The following SPTAN1 variants were observed in gnomAD, a reference collection of about 807,000 sequenced individuals.
SPTAN1 encodes the protein spectrin alpha, non-erythrocytic 1.
A neutral mutation model predicts 331.3 loss-of-function variants in SPTAN1; 61 were observed. The ratio of observed to expected loss-of-function variants is 0.18; its 90% CI spans 0.15 to 0.23. SPTAN1 has a LOEUF of 0.23. Ranked by LOEUF, SPTAN1 falls within the 10% of genes least tolerant of loss-of-function variation. The pLI is 1.00. For missense variants in SPTAN1, 2,043 were observed against 3,147.9 expected, an observed-to-expected ratio of 0.65 and a Z score of 8.40; for synonymous variants, 1,153 against 1,173.9, an observed-to-expected ratio of 0.98 and a Z score of 0.36.
rs1693497284 is a variant in SPTAN1 at position 128,626,799 on chromosome 9, A to G, written c.6576+112A>G. 7.7e-6 allele frequency: 9 copies of G among 1,176,352 alleles called. No homozygotes were observed. The South Asian group carries it at 8.0e-5, about 10-fold the overall frequency. 72.9% of individuals were successfully genotyped at this position (1,176,352 alleles called of 1,614,324 possible). A position where few individuals can be genotyped will look rare whatever the true frequency, so the allele number is the denominator to read the frequency against. ...GACAAGACGAGCAGGATGGAGGAGCATGGTTTCATCAGAAGTTTCATTTCT... is the reference window on the plus strand; with the variant it reads ...GACAAGACGAGCAGGATGGAGGAGCGTGGTTTCATCAGAAGTTTCATTTCT... On this transcript the variant is annotated intron_variant, in intron 49 of 56. Transcript: ENST00000372739.
chr9:128,633,502 T>C lies in SPTAN1; in HGVS notation c.*168T>C, dbSNP rs1860177914. 1.6e-6 allele frequency: 2 copies of C among 1,223,906 alleles called. No homozygotes were observed. Among genetic ancestry groups the C allele is most frequent in the Non-Finnish European group, 2.3e-6 (2 of 852,610 alleles). The allele number at this position is 1,223,906 out of a possible 1,614,324, so 75.8% of individuals were successfully genotyped here. A position where few individuals can be genotyped will look rare whatever the true frequency, so the allele number is the denominator to read the frequency against. On this transcript the variant is annotated 3_prime_UTR_variant, in exon 57 of 57. Transcript: ENST00000372739. The stretch of plus-strand genomic sequence containing the variant: ...TAACCCGCTTCCGGTCCAGTCACAA[T>C]CATCATGTCACTGTGGGGACCCAGA...
intron 24 of SPTAN1, among the ~76,000 whole-genome samples, chr9:128,597,583 TGG>T (rs1205403309): frequency 1.3e-5 from 2 of 152,224 alleles, no homozygotes; most frequent in African/African-American, 4.8e-5. Flanking sequence ...ATCTGAGGAC[TGG>T]GAAAACCAAT....
Position 128,598,490 on chromosome 9 carries a change from G to T in SPTAN1, c.3505G>T (p.Ala1169Ser). ...SEGLMAEEVQ[A>S]VQQQEVYGMM... ...AGGTCTCATGGCAGAGGAGGTGCAG[G>T]CTGTGCAACAACAGGTAGGTGTCTC... Residue 1169 changes from alanine (A) to serine (S), a missense_variant, in exon 25 of 57, where the codon GCT becomes TCT. Ala to Ser is a moderately conservative substitution (Grantham distance 99). Transcript: ENST00000372739. 6.2e-7 allele frequency: 1 copy of T among 1,609,136 alleles called. No homozygotes were observed. Among genetic ancestry groups the T allele is most frequent in the South Asian group, 1.1e-5 (1 of 89,810 alleles).
intron 12 of SPTAN1, 77 bp from the exon 13 acceptor site, chr9:128,582,402 C>T (rs1852053076): frequency 3.2e-6 from 4 of 1,244,934 alleles, no homozygotes; most frequent in Non-Finnish European, 4.7e-6. Context: ...ATGATCTGTT[C>T]AGCAGTTACT....
intron 3 of SPTAN1, among the ~76,000 whole-genome samples, chr9:128,573,008 A>C (rs1315385224): frequency 2.6e-5 from 4 of 152,168 alleles, no homozygotes; most frequent in Non-Finnish European, 5.9e-5. Flanking sequence ...GAATCCACCC[A>C]TGTTGACTGT....
At chr9:128,571,284 G>A (rs1334624109) in intron 3 of SPTAN1, among the ~76,000 whole-genome samples, 1 of 78,634 alleles carries the variant, frequency 1.3e-5, no homozygotes, top group Non-Finnish European at 3.9e-5. Flanking sequence ...AGCAAGACTG[G>A]GAAAAAGAAA....
rs540849072 is a variant in SPTAN1, at chr9:128,578,026, C to T, written c.1086-84C>T. 4.5e-5 allele frequency: 64 copies of T among 1,419,796 alleles called. No homozygotes were observed. In the South Asian group the frequency reaches 6.8e-4, roughly 15 times the overall value. The allele number at this position is 1,419,796 out of a possible 1,614,324, so 87.9% of individuals were successfully genotyped here. A position where few individuals can be genotyped will look rare whatever the true frequency, so the allele number is the denominator to read the frequency against. On this transcript the variant is annotated intron_variant, in intron 8 of 56. Coordinates refer to ENST00000372739, the MANE Select transcript of SPTAN1 (RefSeq NM_001130438.3). Reference sequence around the variant, plus strand: ...ATATAGTTTGTTAGACATTTGAGAACATAGAATTCAGAGCTTTAGGGAGGC... The same window carrying T: ...ATATAGTTTGTTAGACATTTGAGAATATAGAATTCAGAGCTTTAGGGAGGC...
chr9:128,583,272 G>T lies in SPTAN1; in HGVS notation c.2002G>T (p.Glu668Ter). 1 of 1,613,624 alleles carries T rather than the reference G, an allele frequency of 6.2e-7. No individual in the cohort carries two copies. The highest frequency in any genetic ancestry group is 1.1e-5 in the South Asian group (1 of 90,936). The stretch of plus-strand genomic sequence containing the variant: ...GTGGAAGAAACTGCTAGAGGCCACT[G>T]AACTGAAAGGTAAGAGATGTTCCAT... ...SLWKKLLEAT[E>*]LKGIKLREAN... Residue 668 changes from glutamate to a stop codon, truncating the protein, a stop_gained, in exon 15 of 57, where the codon GAA (glutamate) becomes TAA (stop). Coordinates refer to ENST00000372739, the MANE Select transcript of SPTAN1 (RefSeq NM_001130438.3). LOFTEE classifies it high-confidence loss of function.
At chr9:128,596,303 G>C (rs574349039) in intron 24 of SPTAN1, 1 of 150,672 alleles carries the variant, frequency 6.6e-6, no homozygotes, top group Admixed American at 6.6e-5. Flanking sequence ...TCGAGACAGA[G>C]TCTCTCTCTG....
chr9:128,612,308 T>C, intron 39 of SPTAN1, 62 bp downstream of exon 39: 1 of 1,607,834 alleles, frequency 6.2e-7, no homozygotes, highest in Admixed American at 1.7e-5. Flanking sequence ...GCACAGTGGG[T>C]CCATCAGTGC....
Position 128,577,567 on chromosome 9 carries a change from TAGC to T in SPTAN1, c.1085+64_1085+66del. On this transcript the variant is annotated intron_variant, in intron 8 of 56. Transcript: ENST00000372739. This position sits in a 1 kb window ranked among gnomAD's most constrained non-coding sequence, Gnocchi z 4.2. ...TTGGCTTCTTTTTTGGAAGCAGGAA[TAGC>T]AGAGTTAAGGGTCTGTTCTGTGTTC... 6.2e-7 allele frequency: 1 copy of T among 1,605,638 alleles called. No individual in the cohort carries two copies. Among genetic ancestry groups the T allele is most frequent in the African/African-American group, 1.3e-5 (1 of 74,824 alleles).
intron 44 of SPTAN1, among the ~76,000 whole-genome samples, chr9:128,620,436 G>A (rs1857696139): frequency 6.6e-6 from 1 of 152,224 alleles, no homozygotes; most frequent in Non-Finnish European, 1.5e-5. Flanking sequence ...AAGACCTGGG[G>A]CCAGGTGCGG....
chr9:128,619,096 C>T (rs1857535934), intron 44 of SPTAN1, 93 bp downstream of exon 44: 6 of 1,577,004 alleles, frequency 3.8e-6, no homozygotes, highest in Non-Finnish European at 4.3e-6. Context: ...GGGCCCTGCT[C>T]TTACTAGGAG....
rs537775797 is a variant in SPTAN1 at position 128,571,947 on chromosome 9, A to G, written c.364-2728A>G. Among the ~76,000 whole-genome samples the G allele has an allele frequency of 3.3e-3, 501 of 152,248 alleles. 8 individuals carry two copies. The highest frequency in any genetic ancestry group is 3.4e-3 in the Middle Eastern group (1 of 294). On this transcript the variant is annotated intron_variant, in intron 3 of 56. Transcript: ENST00000372739. Reference sequence around the variant, plus strand: ...TCTCAGCTAACTGCAACCTCCTTCCACCAGGCTCAAGTGGTTCACCCACCT... The same window carrying G: ...TCTCAGCTAACTGCAACCTCCTTCCGCCAGGCTCAAGTGGTTCACCCACCT...
At chr9:128,584,883 C>G in intron 18 of SPTAN1, 40 bp downstream of exon 18, 1 of 1,613,908 alleles carries the variant, frequency 6.2e-7, no homozygotes, top group Non-Finnish European at 8.5e-7. Flanking sequence ...GGTGCTGCTC[C>G]TCGTGTCTCC....
intron 21 of SPTAN1, among the ~76,000 whole-genome samples, chr9:128,590,707 T>C (rs1027612858): frequency 2.0e-5 from 3 of 151,812 alleles, no homozygotes; most frequent in African/African-American, 7.3e-5. Flanking sequence ...AAAAATTAGC[T>C]GTGCGTGGTG....
intron 45 of SPTAN1, among the ~76,000 whole-genome samples, chr9:128,622,775 C>T (rs1031539993): frequency 2.7e-5 from 4 of 147,844 alleles, no homozygotes; most frequent in East Asian, 2.0e-4. Context: ...ATTTTTTAGA[C>T]GGAGTCTCAC....
intron 45 of SPTAN1, among the ~76,000 whole-genome samples, chr9:128,623,648 T>A (rs1858259380): frequency 6.7e-6 from 1 of 149,098 alleles, no homozygotes; most frequent in Non-Finnish European, 1.5e-5. Flanking sequence ...TTTTTTTGTA[T>A]TTTTTAGAAG....
At chr9:128,619,074 T>G in intron 44 of SPTAN1, 71 bp downstream of exon 44, 5 of 1,607,658 alleles carry the variant, frequency 3.1e-6, no homozygotes, top group Non-Finnish European at 4.2e-6. Flanking sequence ...ATTTCCCTGT[T>G]GGTTTGTTAG....
Sources: allele counts gnomAD v4.1 joint callset (sites outside exome capture counted in the v4.1 genomes callset), GRCh38; gene constraint gnomAD v4.1.1; non-coding constraint Gnocchi (gnomAD v3.1); transcripts MANE v1.5; gene names NCBI Gene and HGNC (gene_info 2026-07-23, HGNC 2026-07-21).